Variants in MED13L observed in about 807,000 individuals in gnomAD.
The protein encoded by MED13L is mediator of RNA polymerase II transcription subunit 13-like.
A neutral mutation model predicts 220.9 loss-of-function variants in MED13L; 7 were observed. The observed-to-expected ratio is 0.03, with a 90% CI of 0.02 to 0.06. MED13L has a LOEUF of 0.06. Ranked by LOEUF, MED13L falls within the 10% of genes least tolerant of loss-of-function variation. The probability of loss-of-function intolerance (pLI) is 1.00; values close to 1 mark genes in which losing one functional copy is unlikely to be tolerated. For missense variants in MED13L, 1,965 were observed against 2,760.5 expected, an observed-to-expected ratio of 0.71 and a Z score of 6.46; for synonymous variants, 1,011 against 1,015.2, an observed-to-expected ratio of 1.00 and a Z score of 0.08.
intron 10 of MED13L, 28 bp from the exon 11 acceptor site, chr12:116,007,664 A>AAAAAAAAAAAC: frequency 6.5e-7 from 1 of 1,528,614 alleles, no homozygotes. Context: ...AAAAAAAAAA[A>AAAAAAAAAAAC]AGAGCATTTA....
At chr12:116,164,492 T>G (rs1879107273) in intron 2 of MED13L, among the ~76,000 whole-genome samples, 1 of 152,196 alleles carries the variant, frequency 6.6e-6, no homozygotes, top group Non-Finnish European at 1.5e-5. Flanking sequence ...TGCAGGAGCC[T>G]TTTCTGACTG....
At chr12:116,124,123 C>CAGA (rs1555213726) in intron 2 of MED13L, among the ~76,000 whole-genome samples, 1,477 of 133,620 alleles carry the variant, frequency 0.011, 34 homozygotes, top group African/African-American at 0.035. Flanking sequence ...GAGAGAAAGA[C>CAGA]GAGAGAGAGA....
intron 2 of MED13L, among the ~76,000 whole-genome samples, chr12:116,115,474 A>C (rs980122615): frequency 2.3e-4 from 35 of 152,160 alleles, no homozygotes; most frequent in African/African-American, 8.0e-4. Flanking sequence ...AGCATGATCC[A>C]TAAAAGAAAA....
At position 116,025,131 on chromosome 12, in the gene MED13L, G is replaced by A. The variant is rs116064681; in HGVS notation, c.480-2530C>T. 4.4e-3 allele frequency among the ~76,000 whole-genome samples: 676 copies of A among 152,168 alleles called. 4 individuals are homozygous for A. The highest frequency in any genetic ancestry group is 0.015 in the African/African-American group (632 of 41,544). Reference sequence around the variant, plus strand: ...TGGCCAACAGGTATATAGAAAAAATGTTCAACATGAGTAATCATCAGGGAA... The same window carrying A: ...TGGCCAACAGGTATATAGAAAAAATATTCAACATGAGTAATCATCAGGGAA... On this transcript the variant is annotated intron_variant, in intron 4 of 30. Transcript: ENST00000281928.
intron 3 of MED13L, among the ~76,000 whole-genome samples, chr12:116,102,655 G>A (rs1015966154): frequency 6.7e-6 from 1 of 149,666 alleles, no homozygotes; most frequent in African/African-American, 2.5e-5. Flanking sequence ...TAATCAAGGG[G>A]CTGAAGAAAC....
intron 1 of MED13L, among the ~76,000 whole-genome samples, chr12:116,245,921 A>T (rs190148521): frequency 6.6e-6 from 1 of 152,208 alleles, no homozygotes; most frequent in African/African-American, 2.4e-5. Flanking sequence ...GAGCTCTCTG[A>T]GTGCTCAGAA....
chr12:116,162,079 A>G (rs962295769), intron 2 of MED13L, among the ~76,000 whole-genome samples: 1 of 152,208 alleles, frequency 6.6e-6, no homozygotes, highest in Non-Finnish European at 1.5e-5. Flanking sequence ...GCCAAATGTC[A>G]TATAATCAAA....
chr12:115,996,493 G>T lies in MED13L; in HGVS notation c.2979C>A (p.Phe993Leu). The T allele has an allele frequency of 6.2e-7, 1 of 1,613,848 alleles. No homozygotes were observed. Among genetic ancestry groups the T allele is most frequent in the Non-Finnish European group, 8.5e-7 (1 of 1,179,716 alleles). Reference protein sequence around the residue: ...EQLPMPPAATFIRDGYNNVPS... With the variant: ...EQLPMPPAATLIRDGYNNVPS... ...ATACATACTTGTAGCCATCTCTAAT[G>T]AAAGTGGCTGCAGGGGGCATGGGCA... is the stretch of plus-strand genomic sequence containing the variant. The change falls in exon 16 of 31, where the codon TTC becomes TTA. Residue 993 changes from phenylalanine to leucine, a missense_variant. Physicochemically the swap from Phe to Leu is conservative, Grantham distance 22 (BLOSUM62 0). Transcript: ENST00000281928.
intron 1 of MED13L, among the ~76,000 whole-genome samples, chr12:116,246,023 T>C (rs1871069014): frequency 6.6e-6 from 1 of 151,986 alleles, no homozygotes; most frequent in South Asian, 2.1e-4. Context: ...TTCCATATAA[T>C]AAAAAGAGGT....
chr12:116,251,285 G>A (rs1429032458), intron 1 of MED13L, among the ~76,000 whole-genome samples: 1 of 143,874 alleles, frequency 7.0e-6, no homozygotes, highest in African/African-American at 2.5e-5. Flanking sequence ...ACAATTAGAA[G>A]GCAGAGATTC....
chr12:116,048,101 CT>C (rs1344234893), intron 4 of MED13L, among the ~76,000 whole-genome samples: 1 of 151,674 alleles, frequency 6.6e-6, no homozygotes, highest in East Asian at 1.9e-4. Context: ...AGCAACTTTA[CT>C]TTTAATTGTT....
chr12:116,207,443 G>C (rs1159355702), intron 2 of MED13L, among the ~76,000 whole-genome samples: 1 of 152,180 alleles, frequency 6.6e-6, no homozygotes, highest in African/African-American at 2.4e-5. Context: ...GTCTGTGTTT[G>C]TGTAAGCAAA....
chr12:116,261,772 T>G (rs1013571136), intron 1 of MED13L, among the ~76,000 whole-genome samples: 6 of 152,238 alleles, frequency 3.9e-5, no homozygotes, highest in Admixed American at 3.3e-4. Context: ...GTTTATCATC[T>G]GATTCCTGTT....
At position 116,277,318 on chromosome 12, in the gene MED13L, G is replaced by C. The variant is rs1371862004; in HGVS notation, c.-187C>G. The C allele has an allele frequency of 2.1e-3, 1 of 480 alleles. No homozygotes were observed. Among genetic ancestry groups the C allele is most frequent in the East Asian group, 0.1 (1 of 10 alleles). The allele number at this position is 480 out of a possible 1,614,324, so 0.0% of individuals were successfully genotyped here. A position where few individuals can be genotyped will look rare whatever the true frequency, so the allele number is the denominator to read the frequency against. The stretch of plus-strand genomic sequence containing the variant: ...GCGGCGACGCCGCGCCGGGGGCAGC[G>C]GGCCCGGGCTGGCGGGGGGGGCGCG... On this transcript the variant is annotated 5_prime_UTR_variant, in exon 1 of 31. Transcript: ENST00000281928.
chr12:116,143,364 A>C (rs1877246504), intron 2 of MED13L, among the ~76,000 whole-genome samples: 1 of 151,862 alleles, frequency 6.6e-6, no homozygotes, highest in Non-Finnish European at 1.5e-5. Context: ...AGTGAGAAAA[A>C]GAAAGAATGA....
intron 2 of MED13L, among the ~76,000 whole-genome samples, chr12:116,129,028 C>T (rs569799236): frequency 6.6e-6 from 1 of 151,984 alleles, no homozygotes; most frequent in Non-Finnish European, 1.5e-5. Flanking sequence ...TTATTTTCTT[C>T]CTGGAAAATC....
intron 2 of MED13L, among the ~76,000 whole-genome samples, chr12:116,145,855 T>C (rs1430509192): frequency 6.6e-6 from 1 of 151,566 alleles, no homozygotes; most frequent in Non-Finnish European, 1.5e-5. Flanking sequence ...AGTCTAAGCC[T>C]CATGAAGTTT....
chr12:116,166,017 C>T (rs930360600), intron 2 of MED13L, among the ~76,000 whole-genome samples: 1 of 152,178 alleles, frequency 6.6e-6, no homozygotes, highest in African/African-American at 2.4e-5. Context: ...TCTTCATCTA[C>T]TTCAAGTATA....
chr12:116,096,096 A>G (rs572253948), intron 4 of MED13L, among the ~76,000 whole-genome samples: 1 of 152,094 alleles, frequency 6.6e-6, no homozygotes, highest in South Asian at 2.1e-4. Context: ...GCTCGCACCT[A>G]TAATCCCAGC....
Sources: allele counts gnomAD v4.1 joint callset (sites outside exome capture counted in the v4.1 genomes callset), GRCh38; gene constraint gnomAD v4.1.1; transcripts MANE v1.5; gene names NCBI Gene and HGNC (gene_info 2026-07-23, HGNC 2026-07-21).